The following FXYD6 variants were observed in gnomAD, a reference collection of about 807,000 sequenced individuals.
FXYD6 encodes the protein FXYD domain-containing ion transport regulator 6.
FXYD6 carries 7 observed loss-of-function variants against 16.7 expected under a neutral mutation model. That is an observed-to-expected ratio of 0.42 (90% CI 0.24 to 0.79). The LOEUF (loss-of-function observed/expected upper bound fraction) is 0.79, where lower values mean the gene tolerates loss of function less well. Ranked by LOEUF, FXYD6 falls within the 30% of genes least tolerant of loss-of-function variation. FXYD6 has a pLI of 0.28. For synonymous variants in FXYD6, 49 were observed against 43.0 expected (o/e 1.14, Z -0.54); for missense variants, 111 against 116.2 (o/e 0.95, Z 0.21).
At chr11:117,838,312 C>A (rs1395858982) in intron 7 of FXYD6, 35 bp from the exon 8 acceptor site, 1 of 702,486 alleles carries the variant, frequency 1.4e-6, no homozygotes, top group Non-Finnish European at 2.6e-6. Context: ...AAAAACACTT[C>A]GGCTGCCTCT....
intron 1 of FXYD6, among the ~76,000 whole-genome samples, chr11:117,853,921 G>T (rs1404642891): frequency 6.6e-6 from 1 of 152,148 alleles, no homozygotes; most frequent in Non-Finnish European, 1.5e-5. Flanking sequence ...TAGTAAACCT[G>T]GGATTAATTA....
chr11:117,847,695 C>T lies in FXYD6; in HGVS notation c.-5-4914G>A, dbSNP rs188446169. ...CATGTCCCTACAAAGGACATGGACT[C>T]GTCATTTTTTATGGCTGCATAGTAT... On this transcript the variant is annotated intron_variant, in intron 1 of 7. Coordinates refer to ENST00000526014, the MANE Select transcript of FXYD6 (RefSeq NM_022003.4). Among the ~76,000 whole-genome samples, 1,246 of 152,146 alleles carry T rather than the reference C, an allele frequency of 8.2e-3. 19 individuals carry two copies. Among genetic ancestry groups the T allele is most frequent in the African/African-American group, 0.029 (1,187 of 41,494 alleles).
chr11:117,847,772 T>C (rs953879980), intron 1 of FXYD6, among the ~76,000 whole-genome samples: 1 of 152,126 alleles, frequency 6.6e-6, no homozygotes, highest in East Asian at 1.9e-4. Context: ...CATTGTTGGA[T>C]ATTTGGGTTG....
At chr11:117,839,647 C>T (rs1323493681) in intron 7 of FXYD6, 134 bp downstream of exon 7, 2 of 1,064,116 alleles carry the variant, frequency 1.9e-6, no homozygotes, top group African/African-American at 3.2e-5. Flanking sequence ...CTGAAGGCTC[C>T]TCAGGGCAGG....
intron 1 of FXYD6, among the ~76,000 whole-genome samples, chr11:117,847,816 A>C (rs1268198573): frequency 6.6e-6 from 1 of 152,204 alleles, no homozygotes; most frequent in Non-Finnish European, 1.5e-5. Flanking sequence ...ATAGTGCGGC[A>C]ATAAACATAC....
chr11:117,852,000 C>T (rs496371), intron 1 of FXYD6, among the ~76,000 whole-genome samples: 32,213 of 152,236 alleles, frequency 0.21, 4,207 homozygotes, highest in Non-Finnish European at 0.29. Flanking sequence ...CTTGAAAAAG[C>T]AAGCTGCTAT....
At chr11:117,844,496 A>G (rs983428242) in intron 1 of FXYD6, among the ~76,000 whole-genome samples, 2 of 151,760 alleles carry the variant, frequency 1.3e-5, no homozygotes, top group Non-Finnish European at 2.9e-5. Flanking sequence ...ATTTTTATTT[A>G]TTTATTTATT....
chr11:117,840,096 G>A, intron 6 of FXYD6: 2 of 651,156 alleles, frequency 3.1e-6, no homozygotes, highest in Non-Finnish European at 5.4e-6. Context: ...TATGGGGTCT[G>A]TGCCTGGCAC....
At chr11:117,854,765 G>GA (rs1351610837) in intron 1 of FXYD6, among the ~76,000 whole-genome samples, 1 of 152,226 alleles carries the variant, frequency 6.6e-6, no homozygotes, top group Non-Finnish European at 1.5e-5. Flanking sequence ...GTAGGATTTT[G>GA]ATAGACAGGG....
intron 5 of FXYD6, 62 bp from the exon 6 acceptor site, chr11:117,840,430 G>A (rs775160010): frequency 1.2e-5 from 19 of 1,608,832 alleles, no homozygotes; most frequent in Admixed American, 6.7e-5. Context: ...AGAGAGCATC[G>A]TTCTGCTCCT....
intron 1 of FXYD6, among the ~76,000 whole-genome samples, chr11:117,858,910 G>C (rs2056838314): frequency 6.6e-6 from 1 of 151,730 alleles, no homozygotes; most frequent in African/African-American, 2.4e-5. Context: ...CGAGTAGCTG[G>C]GACTACAGGT....
chr11:117,850,811 T>A (rs1279688801), intron 1 of FXYD6, among the ~76,000 whole-genome samples: 1 of 151,944 alleles, frequency 6.6e-6, no homozygotes, highest in African/African-American at 2.4e-5. Flanking sequence ...TTTTTTTTTC[T>A]TATTCCTTTT....
chr11:117,863,108 G>A (rs927932476), intron 1 of FXYD6, among the ~76,000 whole-genome samples: 1 of 152,144 alleles, frequency 6.6e-6, no homozygotes, highest in African/African-American at 2.4e-5. Flanking sequence ...AAAAGGAGAG[G>A]CTCAGGCTTA....
At chr11:117,839,874 C>T (rs777886638) in intron 6 of FXYD6, 44 bp from the exon 7 acceptor site, 9 of 1,613,026 alleles carry the variant, frequency 5.6e-6, no homozygotes, top group Non-Finnish European at 7.6e-6. Flanking sequence ...AGACTCCTCA[C>T]CCCCGTGGGC....
In FXYD6 at chr11:117,841,137, G is replaced by C. The variant is rs534152737; in HGVS notation, c.209+11C>G. 5 of 1,613,964 alleles carry C rather than the reference G, an allele frequency of 3.1e-6. No homozygotes were observed. The African/African-American group carries it at 6.7e-5, about 22-fold the overall frequency. On this transcript the variant is annotated intron_variant, in intron 5 of 7. Transcript: ENST00000526014. ...ATCACCCCCCCAAGGCCACTGCCACGGCATCCTTACCGGGGCTTCTGATTG... is the reference window on the plus strand; with the variant it reads ...ATCACCCCCCCAAGGCCACTGCCACCGCATCCTTACCGGGGCTTCTGATTG...
chr11:117,863,750 A>G (rs1432948280), intron 1 of FXYD6, among the ~76,000 whole-genome samples: 1 of 152,224 alleles, frequency 6.6e-6, no homozygotes. Flanking sequence ...GTAAGAACTA[A>G]TAAATTCTGC....
intron 1 of FXYD6, among the ~76,000 whole-genome samples, chr11:117,876,321 C>T (rs567737053): frequency 6.6e-6 from 1 of 152,300 alleles, no homozygotes; most frequent in African/African-American, 2.4e-5. Context: ...GCACCGAGAG[C>T]AATTCCCAGC....
In FXYD6 at chr11:117,838,262, C is replaced by T. The variant is rs1410357320; in HGVS notation, c.*37G>A. ...TTGCATCCAAAGGTTCAAGCAGCCG[C>T]CTCAGGTTCCAGAGGCTGAGGAGGA... is the stretch of plus-strand genomic sequence containing the variant. On this transcript the variant is annotated 3_prime_UTR_variant, in exon 8 of 8. Coordinates refer to ENST00000526014, the MANE Select transcript of FXYD6 (RefSeq NM_022003.4). The T allele has an allele frequency of 1.4e-6, 1 of 702,558 alleles. No individual in the cohort carries two copies. The highest frequency in any genetic ancestry group is 1.5e-5 in the South Asian group (1 of 67,602). The allele number at this position is 702,558 out of a possible 1,614,324, so 43.5% of individuals were successfully genotyped here.
chr11:117,842,595 G>T, intron 2 of FXYD6, 124 bp downstream of exon 2: 1 of 973,730 alleles, frequency 1.0e-6, no homozygotes, highest in Non-Finnish European at 1.6e-6. Context: ...AGAGGCCCCT[G>T]ACTAGACATG....
Sources: gnomAD v4.1 joint callset for allele counts (sites outside exome capture counted in the v4.1 genomes callset) on GRCh38, gnomAD v4.1.1 for gene constraint, MANE v1.5 for transcripts, NCBI Gene and HGNC (gene_info 2026-07-23, HGNC 2026-07-21) for gene names.